ZBTB17: variants seen among roughly 807,000 people sequenced by gnomAD.
The protein encoded by ZBTB17 is zinc finger and BTB domain-containing protein 17.
A neutral mutation model predicts 85.1 loss-of-function variants in ZBTB17; 24 were observed. That is an observed-to-expected ratio of 0.28 (90% CI 0.20 to 0.40). ZBTB17 has a LOEUF of 0.40. ZBTB17 is among the 10% of genes least tolerant of loss of function. The pLI is 1.00. For synonymous variants in ZBTB17, 464 were observed against 460.2 expected (o/e 1.01, Z -0.11); for missense variants, 743 against 1,105.1 (o/e 0.67, Z 4.65).
intron 9 of ZBTB17, 99 bp downstream of exon 9, chr1:15,944,201 G>A (rs1326443267): frequency 1.4e-6 from 2 of 1,473,380 alleles, no homozygotes; most frequent in South Asian, 1.2e-5. Context: ...AGCTCCTGGA[G>A]GCCGGGGCTG....
At chr1:15,942,498 G>A in intron 14 of ZBTB17, 31 bp downstream of exon 14, 1 of 1,610,132 alleles carries the variant, frequency 6.2e-7, no homozygotes. Context: ...CAAGCTGCCT[G>A]TGACTTCCCT....
rs746414473 is a variant in ZBTB17 at position 15,945,742 on chromosome 1, C to T, written c.634G>A (p.Ala212Thr). The change falls in exon 6 of 16, where the codon GCC becomes ACC. Residue 212 changes from alanine (A) to threonine (T), a missense_variant. Physicochemically the swap from Ala to Thr is moderately conservative, Grantham distance 58. Transcript: ENST00000375743. ...TSGMAAAEAE[A>T]ALSESSEQEM... is the part of the protein sequence containing the mutation. ...TGCTCCGAGCTCTCGGACAAAGCGG[C>T]CTCAGCTTCTGCAGCAGCCATGCCA... The T allele has an allele frequency of 6.2e-7, 1 of 1,607,294 alleles. No homozygotes were observed. Among genetic ancestry groups the T allele is most frequent in the Non-Finnish European group, 8.5e-7 (1 of 1,179,862 alleles).
chr1:15,959,361 G>A (rs1314852535), intron 2 of ZBTB17, among the ~76,000 whole-genome samples: 1 of 152,154 alleles, frequency 6.6e-6, no homozygotes, highest in African/African-American at 2.4e-5. Flanking sequence ...GGGGAGCAGG[G>A]GAAGTGGGGA....
chr1:15,949,319 A>C (rs1245995210), intron 2 of ZBTB17, among the ~76,000 whole-genome samples: 1 of 152,200 alleles, frequency 6.6e-6, no homozygotes, highest in Non-Finnish European at 1.5e-5. Flanking sequence ...GTGACTAAGT[A>C]ACTATCTAAA....
At chr1:15,944,185 CTGA>C (rs1385302471) in intron 9 of ZBTB17, 112 bp downstream of exon 9, 8 of 1,398,218 alleles carry the variant, frequency 5.7e-6, no homozygotes, top group Non-Finnish European at 7.7e-6. Flanking sequence ...GGTGAACAAG[CTGA>C]TGAGCTCCTG....
At position 15,944,720 on chromosome 1, in the gene ZBTB17, G is replaced by C; in HGVS notation, c.1047C>G (p.Cys349Trp). The change falls in exon 8 of 16, where the codon TGC becomes TGG. Residue 349 changes from cysteine (C) to tryptophan (W), a missense_variant. Transcript: ENST00000375743. The part of the protein sequence containing the change: ...CSKAFSDPAA[C>W]KAHEKTHSPL... ...ACCTGTGCGTCTTCTCATGGGCCTT[G>C]CACGCGGCCGGGTCGGAAAAGGCCT... 1 of 1,610,400 alleles carries C rather than the reference G, an allele frequency of 6.2e-7. No individual in the cohort carries two copies. The highest frequency in any genetic ancestry group is 8.5e-7 in the Non-Finnish European group (1 of 1,179,900).
rs562140252 is a variant in ZBTB17, at chr1:15,953,137, A to G, written c.-2-4640T>C. ...TACTTAAACTAAATGTGTATATTTC[A>G]TATACATTTACATGAAAACATTCCA... On this transcript the variant is annotated intron_variant, in intron 2 of 15. Transcript: ENST00000375743. This position sits in a 1 kb window ranked among gnomAD's most constrained non-coding sequence, Gnocchi z 5.1. 7.9e-5 allele frequency among the ~76,000 whole-genome samples: 12 copies of G among 152,218 alleles called. No homozygotes were observed. Among genetic ancestry groups the G allele is most frequent in the African/African-American group, 2.4e-4 (10 of 41,520 alleles).
rs201683775 is a variant in ZBTB17 at position 15,943,899 on chromosome 1, T to C, written c.1372-4A>G. 9.1e-4 allele frequency: 1,456 copies of C among 1,591,998 alleles called. 17 individuals are homozygous for C. The African/African-American group carries it at 0.017, about 19-fold the overall frequency. On this transcript the variant is annotated splice_region_variant and splice_polypyrimidine_tract_variant and intron_variant, in intron 9 of 15. Coordinates refer to ENST00000375743, the MANE Select transcript of ZBTB17 (RefSeq NM_003443.3). Reference sequence around the variant, plus strand: ...GGTGGGCCTTCAGGTTCCCTACCTGTGCCCAGGGAGGGGTCAGGGGGGCCA... The same window carrying C: ...GGTGGGCCTTCAGGTTCCCTACCTGCGCCCAGGGAGGGGTCAGGGGGGCCA...
At position 15,966,908 on chromosome 1, in the gene ZBTB17, A is replaced by C. The variant is rs921765835; in HGVS notation, c.-3+6131T>G. Among the ~76,000 whole-genome samples the C allele has an allele frequency of 6.6e-6, 1 of 151,850 alleles. No homozygotes were observed. The highest frequency in any genetic ancestry group is 2.4e-5 in the African/African-American group (1 of 41,258). On this transcript the variant is annotated intron_variant, in intron 2 of 15. Coordinates refer to ENST00000375743, the MANE Select transcript of ZBTB17 (RefSeq NM_003443.3). This position sits in a 1 kb window ranked among gnomAD's most constrained non-coding sequence, Gnocchi z 4.1. Reference sequence around the variant, plus strand: ...GGGCGAAAGAGCGAGACCCTGTCTCAAAAATTAAATTAATTAATTAATTAA... The same window carrying C: ...GGGCGAAAGAGCGAGACCCTGTCTCCAAAATTAAATTAATTAATTAATTAA...
At position 15,953,736 on chromosome 1, in the gene ZBTB17, C is replaced by T. The variant is rs2071948193; in HGVS notation, c.-2-5239G>A. Among the ~76,000 whole-genome samples the T allele has an allele frequency of 1.3e-5, 2 of 152,320 alleles. No homozygotes were observed. Among genetic ancestry groups the T allele is most frequent in the South Asian group, 2.1e-4 (1 of 4,826 alleles). ...GCCAAGCAGGACCTGGATCTGGGTT[C>T]CACCAGCCACCCGCAGGTGATCTCC... On this transcript the variant is annotated intron_variant, in intron 2 of 15. Transcript: ENST00000375743. The surrounding 1 kb of genome is among the most constrained non-coding windows in gnomAD (Gnocchi z 5.1).
rs768383359 is a variant in ZBTB17, at chr1:15,944,432, G to A, written c.1239C>T (p.Ser413=). The A allele has an allele frequency of 3.2e-6, 5 of 1,571,776 alleles. No individual in the cohort carries two copies. Among genetic ancestry groups the A allele is most frequent in the East Asian group, 2.4e-5 (1 of 42,318 alleles). ...AGTCGCACTGGTAGGGCTTCTCGCC[G>A]CTGTGCACCAGCTGGTGGCGCTTGA... ...GNLKRHQLVH[S]GEKPYQCDYC... The change falls in exon 9 of 16, where the codon AGC becomes AGT. Residue 413 remains serine (S), a synonymous_variant. Transcript: ENST00000375743.
intron 1 of ZBTB17, among the ~76,000 whole-genome samples, chr1:15,974,724 G>A (rs1265978480): frequency 2.0e-5 from 3 of 151,900 alleles, no homozygotes; most frequent in Admixed American, 6.6e-5. Context: ...ACAGGCGCGC[G>A]CAAGCACGAC....
At chr1:15,949,753 C>CTG (rs1400104519) in intron 2 of ZBTB17, among the ~76,000 whole-genome samples, 1 of 152,224 alleles carries the variant, frequency 6.6e-6, no homozygotes, top group African/African-American at 2.4e-5. Flanking sequence ...GGCTGTCGGG[C>CTG]TGTGATGAGT....
At position 15,952,558 on chromosome 1, in the gene ZBTB17, A is replaced by T. The variant is rs2071900720; in HGVS notation, c.-2-4061T>A. 6.6e-6 allele frequency among the ~76,000 whole-genome samples: 1 copy of T among 152,236 alleles called. No homozygotes were observed. Among genetic ancestry groups the T allele is most frequent in the Non-Finnish European group, 1.5e-5 (1 of 68,036 alleles). On this transcript the variant is annotated intron_variant, in intron 2 of 15. Transcript: ENST00000375743. The surrounding 1 kb of genome is among the most constrained non-coding windows in gnomAD (Gnocchi z 4.3). ...CGGTGTCTGTTTCCCTCCTGTCGGAATCTGGATGGCCCAGAGACGACTCTG... is the reference window on the plus strand; with the variant it reads ...CGGTGTCTGTTTCCCTCCTGTCGGATTCTGGATGGCCCAGAGACGACTCTG...
intron 9 of ZBTB17, 121 bp from the exon 10 acceptor site, chr1:15,944,016 A>G: frequency 9.2e-7 from 1 of 1,087,234 alleles, no homozygotes. Context: ...GAAGGGCTCT[A>G]TCTCTCCTGG....
rs1036836901 is a variant in ZBTB17, at chr1:15,946,920, C to T, written c.394+15G>A. On this transcript the variant is annotated intron_variant, in intron 4 of 15. Transcript: ENST00000375743. The stretch of plus-strand genomic sequence containing the variant: ...TCTCTGGCCATCTGCTTGGGAGCAG[C>T]TGCCAATAACCTACCTTCTGTGGCC... 10 of 1,596,896 alleles carry T rather than the reference C, an allele frequency of 6.3e-6. No homozygotes were observed. The highest frequency in any genetic ancestry group is 7.7e-6 in the Non-Finnish European group (9 of 1,166,710).
chr1:15,954,214 T>C (rs2071965200), intron 2 of ZBTB17, among the ~76,000 whole-genome samples: 1 of 152,050 alleles, frequency 6.6e-6, no homozygotes, highest in South Asian at 2.1e-4. Flanking sequence ...ATGCCCAGAG[T>C]GCTAAGTGGC....
chr1:15,957,754 G>A (rs1419881704), intron 2 of ZBTB17, among the ~76,000 whole-genome samples: 2 of 152,114 alleles, frequency 1.3e-5, no homozygotes, highest in African/African-American at 4.8e-5. Flanking sequence ...ATATGTTTTG[G>A]CAGAGCCAAC....
rs150167699 is a variant in ZBTB17 at position 15,942,542 on chromosome 1, G to T, written c.2025C>A (p.Val675=). ...CACAGCCCGCACCTGTGAGCTGAGT[G>T]ACGGCTGTCGCTGCCAGTGCCTCGG... The part of the protein sequence containing the change: ...LATEALAATA[V]TQLTVVPVGA... Residue 675 remains valine (V), a synonymous_variant, in exon 14 of 16, where the codon GTC becomes GTA. Transcript: ENST00000375743. 6.2e-7 allele frequency: 1 copy of T among 1,611,074 alleles called. No homozygotes were observed. The highest frequency in any genetic ancestry group is 8.5e-7 in the Non-Finnish European group (1 of 1,179,974).
Sources: gnomAD v4.1 joint callset for allele counts (sites outside exome capture counted in the v4.1 genomes callset) on GRCh38, gnomAD v4.1.1 for gene constraint, Gnocchi (gnomAD v3.1) non-coding constraint, MANE v1.5 for transcripts, NCBI Gene and HGNC (gene_info 2026-07-23, HGNC 2026-07-21) for gene names.